PPARGC1A: variants seen among roughly 807,000 people sequenced by gnomAD.
The protein encoded by PPARGC1A is peroxisome proliferator-activated receptor gamma coactivator 1-alpha.
In PPARGC1A, 25 loss-of-function variants were observed where a neutral mutation model predicts 88.7. That is an observed-to-expected ratio of 0.28 (90% CI 0.21 to 0.39). The LOEUF (loss-of-function observed/expected upper bound fraction) is 0.39, where lower values mean the gene tolerates loss of function less well. Among genes scored for constraint, PPARGC1A ranks in the 10% least tolerant of loss-of-function variants. PPARGC1A has a pLI of 1.00. For synonymous variants in PPARGC1A, 363 were observed against 355.6 expected (o/e 1.02, Z -0.24); for missense variants, 880 against 968.7 (o/e 0.91, Z 1.22).
the PPARGC1A span, among the ~76,000 whole-genome samples, chr4:24,224,765 T>TGGAGAAGTGCAAGAGTTCAG: frequency 6.6e-6 from 1 of 152,058 alleles, no homozygotes; most frequent in African/African-American, 2.4e-5. Flanking sequence ...ATGCAAGCCA[T>TGGAGAAGTGCAAGAGTTCAG]GGAGAAGTGC....
chr4:24,369,366 C>A, the PPARGC1A span, among the ~76,000 whole-genome samples: 340 of 152,170 alleles, frequency 2.2e-3, 1 homozygote, highest in South Asian at 6.6e-3. Flanking sequence ...TCATTTTCAC[C>A]GATAAGGCCA....
chr4:23,828,388 TC>T lies in PPARGC1A; in HGVS notation c.757+11del. 6.2e-7 allele frequency: 1 copy of T among 1,610,322 alleles called. No individual in the cohort carries two copies. Among genetic ancestry groups the T allele is most frequent in the Non-Finnish European group, 8.5e-7 (1 of 1,176,614 alleles). On this transcript the variant is annotated intron_variant, in intron 5 of 12. Coordinates refer to ENST00000264867, the MANE Select transcript of PPARGC1A (RefSeq NM_013261.5). ...TGCCCTCACCAACAGCTCGTTTTGG[TC>T]CCCAGCCTACCTTGTAAGTGTTGTG... is the stretch of plus-strand genomic sequence containing the variant.
upstream of PPARGC1A, among the ~76,000 whole-genome samples, chr4:23,907,701 G>A (rs937683137): frequency 6.6e-6 from 1 of 152,012 alleles, no homozygotes. Flanking sequence ...CTACTCTGCA[G>A]TTCGCACTAT....
the PPARGC1A span, among the ~76,000 whole-genome samples, chr4:24,354,658 G>A: frequency 6.6e-6 from 1 of 152,106 alleles, no homozygotes; most frequent in African/African-American, 2.4e-5. Context: ...AGGCCAAGGC[G>A]TGTGGATCAT....
the PPARGC1A span, among the ~76,000 whole-genome samples, chr4:24,451,809 C>T: frequency 6.6e-6 from 1 of 152,152 alleles, no homozygotes; most frequent in African/African-American, 2.4e-5. Context: ...ATCTCTTGAC[C>T]TCGCAATCTG....
the PPARGC1A span, among the ~76,000 whole-genome samples, chr4:24,303,161 A>C: frequency 6.6e-6 from 1 of 152,232 alleles, no homozygotes; most frequent in African/African-American, 2.4e-5. Context: ...AATCCTCACA[A>C]AGAATATTCA....
chr4:23,844,118 A>T (rs1727553909), intron 2 of PPARGC1A, among the ~76,000 whole-genome samples: 1 of 150,796 alleles, frequency 6.6e-6, no homozygotes, highest in Non-Finnish European at 1.5e-5. Context: ...AAAGGATGGC[A>T]GATAATAATA....
the PPARGC1A span, among the ~76,000 whole-genome samples, chr4:24,158,176 AT>A: frequency 6.6e-6 from 1 of 151,586 alleles, no homozygotes; most frequent in Admixed American, 6.6e-5. Context: ...TGACCAGAAT[AT>A]TCTCCCTCCC....
the PPARGC1A span, among the ~76,000 whole-genome samples, chr4:24,366,743 T>C: frequency 1.3e-5 from 2 of 152,144 alleles, no homozygotes; most frequent in African/African-American, 4.8e-5. Context: ...ATCACCCCCA[T>C]TGTAATGAAT....
chr4:24,055,973 C>A, the PPARGC1A span, among the ~76,000 whole-genome samples: 1 of 152,214 alleles, frequency 6.6e-6, no homozygotes, highest in Non-Finnish European at 1.5e-5. Flanking sequence ...CTCTAACACA[C>A]ATAAGAAGTT....
the PPARGC1A span, among the ~76,000 whole-genome samples, chr4:24,005,587 C>T: frequency 6.6e-6 from 1 of 152,162 alleles, no homozygotes; most frequent in Admixed American, 6.5e-5. Flanking sequence ...CGTTCACTGT[C>T]ACATTATTCA....
the PPARGC1A span, among the ~76,000 whole-genome samples, chr4:24,163,186 T>C: frequency 2.0e-5 from 3 of 148,558 alleles, no homozygotes; most frequent in African/African-American, 7.5e-5. Flanking sequence ...TTTGTGTGTG[T>C]TTCCACTAAA....
At chr4:24,216,542 T>C in the PPARGC1A span, among the ~76,000 whole-genome samples, 1 of 152,322 alleles carries the variant, frequency 6.6e-6, no homozygotes, top group East Asian at 1.9e-4. Flanking sequence ...GGTTCTTTCA[T>C]AGTTGAGAAA....
the PPARGC1A span, among the ~76,000 whole-genome samples, chr4:24,185,380 G>C: frequency 1.8e-4 from 28 of 152,244 alleles, no homozygotes; most frequent in African/African-American, 5.8e-4. Context: ...TATTTACAAA[G>C]CAAACCTTGG....
chr4:24,138,511 G>T, the PPARGC1A span, among the ~76,000 whole-genome samples: 6 of 152,180 alleles, frequency 3.9e-5, no homozygotes, highest in Non-Finnish European at 2.9e-5. Context: ...AATCCTTGAG[G>T]GCTGTTTGTT....
the PPARGC1A span, among the ~76,000 whole-genome samples, chr4:24,020,038 T>C: frequency 1.2e-3 from 184 of 152,344 alleles, no homozygotes; most frequent in African/African-American, 4.1e-3. Context: ...GCTGGATTCA[T>C]ATTTAATAAT....
the PPARGC1A span, among the ~76,000 whole-genome samples, chr4:23,975,248 T>C: frequency 6.6e-6 from 1 of 152,214 alleles, no homozygotes; most frequent in Non-Finnish European, 1.5e-5. Context: ...TAAATATTTT[T>C]ATTATCTGTT....
the PPARGC1A span, among the ~76,000 whole-genome samples, chr4:24,290,128 C>A: frequency 6.6e-6 from 1 of 152,188 alleles, no homozygotes; most frequent in African/African-American, 2.4e-5. Context: ...GGATCCCTCC[C>A]ACGACATGTG....
the PPARGC1A span, among the ~76,000 whole-genome samples, chr4:24,150,373 T>G: frequency 6.6e-6 from 1 of 152,298 alleles, no homozygotes; most frequent in Non-Finnish European, 1.5e-5. Flanking sequence ...TAACAAGTAT[T>G]TTGGTGGCTT....
Sources: gnomAD v4.1 joint callset for allele counts (sites outside exome capture counted in the v4.1 genomes callset) on GRCh38, gnomAD v4.1.1 for gene constraint, MANE v1.5 for transcripts, NCBI Gene and HGNC (gene_info 2026-07-23, HGNC 2026-07-21) for gene names.